TAS2R1: variants seen among roughly 807,000 people sequenced by gnomAD.
TAS2R1 encodes taste 2 receptor member 1, also known as taste receptor type 2 member 1.
For missense variants in TAS2R1, 370 were observed against 353.4 expected (o/e 1.05, Z -0.38); for synonymous variants, 141 against 134.2 (o/e 1.05, Z -0.35).
the TAS2R1 span, among the ~76,000 whole-genome samples, chr5:9,739,631 T>C: frequency 6.6e-6 from 1 of 152,194 alleles, no homozygotes; most frequent in Admixed American, 6.5e-5. Flanking sequence ...AGCAATTCCT[T>C]GGAGTTATGG....
chr5:9,772,452 C>T, the TAS2R1 span, among the ~76,000 whole-genome samples: 123 of 152,020 alleles, frequency 8.1e-4, no homozygotes, highest in African/African-American at 2.6e-3. Context: ...ATGATCTTTG[C>T]GCTGAGGAGA....
the TAS2R1 span, among the ~76,000 whole-genome samples, chr5:9,873,408 CTT>C: frequency 1.8e-4 from 26 of 143,640 alleles, no homozygotes; most frequent in Non-Finnish European, 1.8e-4. Context: ...AAGACCAGGC[CTT>C]TTTTTTTTTT....
chr5:9,661,352 G>C (rs1740528303), intron 1 of TAS2R1, among the ~76,000 whole-genome samples: 1 of 152,106 alleles, frequency 6.6e-6, no homozygotes, highest in Non-Finnish European at 1.5e-5. Context: ...AATTAGCTGG[G>C]CTTGACTAAT....
chr5:9,783,119 T>TA, the TAS2R1 span, among the ~76,000 whole-genome samples: 1 of 152,330 alleles, frequency 6.6e-6, no homozygotes, highest in Middle Eastern at 3.4e-3. Flanking sequence ...TGCCTTACTC[T>TA]ATTGGCTTTT....
chr5:9,776,635 A>T, the TAS2R1 span, among the ~76,000 whole-genome samples: 1 of 152,070 alleles, frequency 6.6e-6, no homozygotes, highest in Admixed American at 6.5e-5. Context: ...TGTTTTACTC[A>T]CTTTCCCATT....
At chr5:9,649,145 A>C (rs1740254635) in intron 2 of TAS2R1, among the ~76,000 whole-genome samples, 1 of 152,178 alleles carries the variant, frequency 6.6e-6, no homozygotes, top group Non-Finnish European at 1.5e-5. Flanking sequence ...ATTATGATAC[A>C]CCCAGATCTT....
the TAS2R1 span, among the ~76,000 whole-genome samples, chr5:9,780,596 T>C: frequency 6.6e-6 from 1 of 152,210 alleles, no homozygotes; most frequent in South Asian, 2.1e-4. Context: ...TATACTCTTT[T>C]GGTAAATTCA....
the TAS2R1 span, among the ~76,000 whole-genome samples, chr5:9,810,455 C>T: frequency 6.6e-6 from 1 of 152,102 alleles, no homozygotes; most frequent in Non-Finnish European, 1.5e-5. Flanking sequence ...TCCTCACTTC[C>T]GGGGGAGGTT....
intron 1 of TAS2R1, among the ~76,000 whole-genome samples, chr5:9,690,880 C>T (rs1409688258): frequency 2.0e-5 from 3 of 152,086 alleles, no homozygotes; most frequent in African/African-American, 7.2e-5. Flanking sequence ...CAAAACAGAG[C>T]AAAGCACCCT....
chr5:9,871,141 A>G, the TAS2R1 span, among the ~76,000 whole-genome samples: 1 of 152,170 alleles, frequency 6.6e-6, no homozygotes, highest in African/African-American at 2.4e-5. Flanking sequence ...GTCAGTCTCC[A>G]GGGCACAATC....
chr5:9,772,737 A>G, the TAS2R1 span, among the ~76,000 whole-genome samples: 1 of 151,902 alleles, frequency 6.6e-6, no homozygotes, highest in South Asian at 2.1e-4. Flanking sequence ...TGACCCCTTT[A>G]TTGTTATATG....
At chr5:9,691,848 C>G (rs768569795) in intron 1 of TAS2R1, among the ~76,000 whole-genome samples, 5 of 152,162 alleles carry the variant, frequency 3.3e-5, no homozygotes, top group Non-Finnish European at 7.3e-5. Context: ...CCCCTAGAGT[C>G]CTTGTCCCTT....
the TAS2R1 span, among the ~76,000 whole-genome samples, chr5:9,752,670 G>C: frequency 3.9e-5 from 6 of 152,106 alleles, no homozygotes; most frequent in East Asian, 1.2e-3. Context: ...TTTAACATTA[G>C]GTATATCTCC....
chr5:9,838,366 A>C, the TAS2R1 span, among the ~76,000 whole-genome samples: 10 of 152,302 alleles, frequency 6.6e-5, no homozygotes, highest in Admixed American at 3.9e-4. Context: ...GTATGTGGGA[A>C]AGAGGAGAAT....
At chr5:9,722,717 A>G in the TAS2R1 span, among the ~76,000 whole-genome samples, 1 of 152,312 alleles carries the variant, frequency 6.6e-6, no homozygotes, top group East Asian at 1.9e-4. Flanking sequence ...CAGCCATCTC[A>G]GCTTACTACA....
At chr5:9,638,563 G>A (rs111814035) in intron 2 of TAS2R1, among the ~76,000 whole-genome samples, 13 of 151,918 alleles carry the variant, frequency 8.6e-5, no homozygotes, top group African/African-American at 2.7e-4. Flanking sequence ...TCCTCCAGCC[G>A]GGAGATGGCA....
chr5:9,862,335 G>A, the TAS2R1 span, among the ~76,000 whole-genome samples: 2 of 152,162 alleles, frequency 1.3e-5, no homozygotes, highest in African/African-American at 2.4e-5. Flanking sequence ...AAAGTCAGAC[G>A]TAAGCCTGGC....
chr5:9,715,215 G>A (rs979825289), upstream of TAS2R1, among the ~76,000 whole-genome samples: 2 of 152,186 alleles, frequency 1.3e-5, no homozygotes, highest in African/African-American at 2.4e-5. Context: ...AGGAATTTGG[G>A]GCATATGGAA....
At chr5:9,725,546 G>C in the TAS2R1 span, among the ~76,000 whole-genome samples, 1 of 152,198 alleles carries the variant, frequency 6.6e-6, no homozygotes, top group African/African-American at 2.4e-5. Flanking sequence ...GGCCTTAGCT[G>C]CCTCCCCACG....
Sources: gnomAD v4.1 joint callset for allele counts (sites outside exome capture counted in the v4.1 genomes callset) on GRCh38, gnomAD v4.1.1 for gene constraint, MANE v1.5 for transcripts, NCBI Gene and HGNC (gene_info 2026-07-23, HGNC 2026-07-21) for gene names.